The following RAB6A variants were observed in gnomAD, a reference collection of about 807,000 sequenced individuals.
RAB6A encodes ras-related protein Rab-6A.
In RAB6A, 8 loss-of-function variants were observed where a neutral mutation model predicts 32.3. That is an observed-to-expected ratio of 0.25 (90% CI 0.15 to 0.45). The LOEUF (loss-of-function observed/expected upper bound fraction) is 0.45. RAB6A is among the 20% of genes least tolerant of loss of function. RAB6A has a pLI of 1.00. For synonymous variants in RAB6A, 73 were observed against 82.1 expected (o/e 0.89, Z 0.60); for missense variants, 104 against 249.4 (o/e 0.42, Z 3.93).
In RAB6A at chr11:73,679,664, G is replaced by A. The variant is rs911810426; in HGVS notation, c.552C>T (p.Ser184=). ...AAATAAAAAGGATACTATCTTCTCT[G>A]CTTCTGTCCTGTGTGCTTTCCATTC... ...LPGMESTQDR[S]REDMIDIKLE... is the part of the protein sequence containing the mutation. The change falls in exon 7 of 8, where the codon AGC becomes AGT. Residue 184 remains serine (S), a synonymous_variant. Transcript: ENST00000336083. 1 of 1,613,942 alleles carries A rather than the reference G, an allele frequency of 6.2e-7. No individual in the cohort carries two copies. Among genetic ancestry groups the A allele is most frequent in the Non-Finnish European group, 8.5e-7 (1 of 1,179,946 alleles).
At chr11:73,693,883 A>G (rs1945615486) in intron 6 of RAB6A, among the ~76,000 whole-genome samples, 1 of 151,754 alleles carries the variant, frequency 6.6e-6, no homozygotes, top group African/African-American at 2.4e-5. Flanking sequence ...AAAGCTAGGT[A>G]AGAGTAATAG....
chr11:73,729,281 T>A (rs575855078), intron 2 of RAB6A, among the ~76,000 whole-genome samples: 1 of 152,230 alleles, frequency 6.6e-6, no homozygotes, highest in African/African-American at 2.4e-5. Flanking sequence ...GTATTCTTAG[T>A]AGAGATGGAG....
At chr11:73,710,578 A>C (rs1945940467) in intron 5 of RAB6A, among the ~76,000 whole-genome samples, 1 of 151,784 alleles carries the variant, frequency 6.6e-6, no homozygotes, top group Non-Finnish European at 1.5e-5. Flanking sequence ...CTCTACTAAA[A>C]ATATGAAAAT....
chr11:73,684,969 T>A (rs1244139788), intron 6 of RAB6A, among the ~76,000 whole-genome samples: 1 of 152,242 alleles, frequency 6.6e-6, no homozygotes, highest in Non-Finnish European at 1.5e-5. Flanking sequence ...CAGACTTCCA[T>A]CAATAATTCC....
At position 73,718,197 on chromosome 11, in the gene RAB6A, G is replaced by A. The variant is rs61565381; in HGVS notation, c.289+416C>T. On this transcript the variant is annotated intron_variant, in intron 4 of 7. Coordinates refer to ENST00000336083, the MANE Select transcript of RAB6A (RefSeq NM_198896.2). ...GGCTGGAAGGGGAAAGCAGAGAAAA[G>A]CTGGCTAGCAGAAGCTTGTAATAGC... Among the ~76,000 whole-genome samples the A allele has an allele frequency of 3.6e-3, 551 of 152,288 alleles. 3 individuals carry two copies. Among genetic ancestry groups the A allele is most frequent in the African/African-American group, 0.013 (523 of 41,564 alleles).
Position 73,677,766 on chromosome 11 carries a change from C to G in RAB6A, c.*132G>C, listed in dbSNP as rs556554278. 1.5e-5 allele frequency: 23 copies of G among 1,532,042 alleles called. 2 individuals carry two copies. The South Asian group carries it at 2.8e-4, about 18-fold the overall frequency. 94.9% of individuals were successfully genotyped at this position (1,532,042 alleles called of 1,614,324 possible). On this transcript the variant is annotated 3_prime_UTR_variant, in exon 8 of 8. Transcript: ENST00000336083. ...TAATAGATCATCTCCACGAGACAGG[C>G]AGCAATGATGAATTGCAATACGTTA...
chr11:73,677,872 A>G lies in RAB6A; in HGVS notation c.*26T>C. On this transcript the variant is annotated 3_prime_UTR_variant, in exon 8 of 8. Coordinates refer to ENST00000336083, the MANE Select transcript of RAB6A (RefSeq NM_198896.2). ...AGGGGGCCAAAGCAGTGAGCTTCTG[A>G]AGAAGGTTGAAGATGACATGGGAGA... The G allele has an allele frequency of 6.2e-7, 1 of 1,613,996 alleles. No individual in the cohort carries two copies. Among genetic ancestry groups the G allele is most frequent in the East Asian group, 2.2e-5 (1 of 44,886 alleles).
chr11:73,693,632 T>A (rs1034766682), intron 6 of RAB6A, among the ~76,000 whole-genome samples: 26 of 149,272 alleles, frequency 1.7e-4, no homozygotes, highest in Non-Finnish European at 3.6e-4. Flanking sequence ...ATGCATATAA[T>A]CCCAGTACTT....
intron 2 of RAB6A, among the ~76,000 whole-genome samples, chr11:73,721,362 A>G (rs1946130971): frequency 1.3e-5 from 2 of 152,226 alleles, no homozygotes; most frequent in South Asian, 4.1e-4. Context: ...ACTCACAAAC[A>G]TCATAACTTT....
intron 6 of RAB6A, among the ~76,000 whole-genome samples, chr11:73,684,405 G>C (rs1206874507): frequency 6.6e-6 from 1 of 152,162 alleles, no homozygotes; most frequent in Non-Finnish European, 1.5e-5. Context: ...CTGACCTCAA[G>C]TGATCCACGC....
intron 3 of RAB6A, chr11:73,718,991 A>T (rs1946094804): frequency 9.3e-7 from 1 of 1,079,880 alleles, no homozygotes; most frequent in Non-Finnish European, 1.3e-6. Context: ...GTGGGAAGGA[A>T]GTAGAAAGAA....
intron 6 of RAB6A, among the ~76,000 whole-genome samples, chr11:73,687,788 C>T (rs1190212405): frequency 2.0e-5 from 3 of 151,874 alleles, no homozygotes; most frequent in Admixed American, 1.3e-4. Context: ...ACCCGGGAGG[C>T]GGAGGTTGCA....
At chr11:73,710,591 G>T (rs150652012) in intron 5 of RAB6A, among the ~76,000 whole-genome samples, 94 of 152,016 alleles carry the variant, frequency 6.2e-4, no homozygotes, top group Non-Finnish European at 1.0e-3. Context: ...ATGAAAATTA[G>T]CTGGGTGTGG....
intron 6 of RAB6A, among the ~76,000 whole-genome samples, chr11:73,685,685 C>G (rs1461039523): frequency 6.9e-6 from 1 of 143,936 alleles, no homozygotes; most frequent in African/African-American, 2.6e-5. Context: ...TTGAGACCAG[C>G]CGGGCCAACA....
rs555388622 is a variant in RAB6A, at chr11:73,744,511, C to CAAAAAAAAAAAAAAA, written c.71-13703_71-13689dup. Reference sequence around the variant, plus strand: ...GGGCAACAGAGTGAGACCCTGTCTCCAAAAAAAAAAAAAAAAAAAAAAAAA... The same window carrying CAAAAAAAAAAAAAAA: ...GGGCAACAGAGTGAGACCCTGTCTCCAAAAAAAAAAAAAAAAAAAAAAAAAAAAAAAAAAAAAAAA... On this transcript the variant is annotated intron_variant, in intron 1 of 7. Transcript: ENST00000336083. 3.1e-5 allele frequency among the ~76,000 whole-genome samples: 2 copies of CAAAAAAAAAAAAAAA among 63,772 alleles called. 1 individual carries two copies. The highest frequency in any genetic ancestry group is 1.5e-4 in the African/African-American group (2 of 13,710). The allele number at this position is 63,772 out of a possible 152,430, so 41.8% of individuals were successfully genotyped here.
Position 73,716,463 on chromosome 11 carries a change from C to T in RAB6A, c.290-101G>A, listed in dbSNP as rs1420764987. On this transcript the variant is annotated intron_variant, in intron 4 of 7. Coordinates refer to ENST00000336083, the MANE Select transcript of RAB6A (RefSeq NM_198896.2). ...AAAAGCCCTGGAAGTTGGAAGGGGG[C>T]TGGCACATTAGTACCCCACTTTTAA... The T allele has an allele frequency of 6.9e-6, 5 of 728,360 alleles. No homozygotes were observed. The East Asian group carries it at 1.4e-4, about 20-fold the overall frequency. The allele number at this position is 728,360 out of a possible 1,614,324, so 45.1% of individuals were successfully genotyped here.
At chr11:73,682,674 T>C (rs1374133120) in intron 6 of RAB6A, among the ~76,000 whole-genome samples, 1 of 151,966 alleles carries the variant, frequency 6.6e-6, no homozygotes, top group African/African-American at 2.4e-5. Flanking sequence ...AAGAAAAAAA[T>C]CTTTATTTGA....
rs566107812 is a variant in RAB6A at position 73,739,488 on chromosome 11, A to ATTTTTTG, written c.71-8666_71-8665insCAAAAAA. 8.9e-3 allele frequency among the ~76,000 whole-genome samples: 1,329 copies of ATTTTTTG among 149,440 alleles called. 12 individuals carry two copies. Among genetic ancestry groups the ATTTTTTG allele is most frequent in the Middle Eastern group, 0.034 (10 of 292 alleles). ...CACTCAGCCTGATTTTTTATTTTTT[A>ATTTTTTG]TTTTTTTGAATCAGGGTCTTGTTCT... On this transcript the variant is annotated intron_variant, in intron 1 of 7. Coordinates refer to ENST00000336083, the MANE Select transcript of RAB6A (RefSeq NM_198896.2).
intron 1 of RAB6A, among the ~76,000 whole-genome samples, chr11:73,743,860 G>C (rs773456830): frequency 6.6e-6 from 1 of 151,916 alleles, no homozygotes; most frequent in Non-Finnish European, 1.5e-5. Flanking sequence ...TCTGCCTGAA[G>C]GAAAAAAAAC....
Sources: gnomAD v4.1 joint callset for allele counts (sites outside exome capture counted in the v4.1 genomes callset) on GRCh38, gnomAD v4.1.1 for gene constraint, MANE v1.5 for transcripts, NCBI Gene and HGNC (gene_info 2026-07-23, HGNC 2026-07-21) for gene names.